The following SNTG1 variants were observed in gnomAD, a reference collection of about 807,000 sequenced individuals.
SNTG1 encodes gamma-1-syntrophin.
Under a neutral mutation model 74.7 loss-of-function variants are expected in SNTG1, and 39 were observed. The ratio of observed to expected loss-of-function variants is 0.52; its 90% CI spans 0.40 to 0.68. The LOEUF is 0.68. Among genes scored for constraint, SNTG1 ranks in the 30% least tolerant of loss-of-function variants. The pLI is 0.00. For missense variants in SNTG1, 685 were observed against 609.5 expected, an observed-to-expected ratio of 1.12 and a Z score of -1.30; for synonymous variants, 254 against 217.1, an observed-to-expected ratio of 1.17 and a Z score of -1.49.
intron 13 of SNTG1, among the ~76,000 whole-genome samples, chr8:50,606,782 T>A (rs1483638): frequency 0.05 from 7,669 of 152,042 alleles, 360 homozygotes; most frequent in African/African-American, 0.12. Flanking sequence ...TCAGAATAAA[T>A]GTTCAACTGT....
intron 12 of SNTG1, among the ~76,000 whole-genome samples, chr8:50,583,458 A>G (rs1196561552): frequency 6.6e-6 from 1 of 151,994 alleles, no homozygotes; most frequent in African/African-American, 2.4e-5. Context: ...TATGATAGAA[A>G]ATAACTAGCA....
intron 2 of SNTG1, among the ~76,000 whole-genome samples, chr8:50,383,105 C>T (rs1360508701): frequency 6.6e-6 from 1 of 152,162 alleles, no homozygotes; most frequent in African/African-American, 2.4e-5. Context: ...AATTGGGCAC[C>T]ATAACCTATT....
chr8:50,530,701 C>T (rs907106721), intron 10 of SNTG1, among the ~76,000 whole-genome samples: 14 of 152,022 alleles, frequency 9.2e-5, no homozygotes, highest in African/African-American at 3.4e-4. Context: ...TGAGAAAATC[C>T]AATTCACACA....
At chr8:50,752,643 A>G (rs2095570534) in intron 18 of SNTG1, among the ~76,000 whole-genome samples, 1 of 152,024 alleles carries the variant, frequency 6.6e-6, no homozygotes, top group African/African-American at 2.4e-5. Flanking sequence ...AATTGTATCT[A>G]TGGACATGAA....
intron 1 of SNTG1, among the ~76,000 whole-genome samples, chr8:50,099,027 T>G (rs936174906): frequency 6.6e-6 from 1 of 152,106 alleles, no homozygotes; most frequent in Non-Finnish European, 1.5e-5. Context: ...TTGAAATTTT[T>G]GAGGTTTTAT....
At position 50,000,417 on chromosome 8, in the gene SNTG1, C is replaced by A. The variant is rs578202257; in HGVS notation, c.-103+88186C>A. On this transcript the variant is annotated intron_variant, in intron 1 of 18. Coordinates refer to ENST00000642720, the MANE Select transcript of SNTG1 (RefSeq NM_018967.5). ...TGTATTTTGCAAACTGCTGCTCCTC[C>A]GAGTTGTTCTGGAATGGGTCTTATT... 2.6e-5 allele frequency among the ~76,000 whole-genome samples: 4 copies of A among 152,140 alleles called. No homozygotes were observed. The East Asian group carries it at 5.8e-4, about 22-fold the overall frequency.
intron 17 of SNTG1, among the ~76,000 whole-genome samples, chr8:50,727,017 G>C (rs1585649319): frequency 1.3e-5 from 2 of 152,118 alleles, no homozygotes; most frequent in Non-Finnish European, 2.9e-5. Flanking sequence ...AAAGGGAAGG[G>C]AGTGGGCTTA....
At chr8:50,628,060 G>A (rs772083693) in intron 13 of SNTG1, among the ~76,000 whole-genome samples, 4 of 152,034 alleles carry the variant, frequency 2.6e-5, no homozygotes, top group African/African-American at 4.8e-5. Flanking sequence ...AGCTGCCTAG[G>A]GGCTACCAGC....
intron 1 of SNTG1, among the ~76,000 whole-genome samples, chr8:50,018,316 T>C (rs1346129530): frequency 1.3e-5 from 2 of 152,016 alleles, no homozygotes; most frequent in African/African-American, 4.8e-5. Flanking sequence ...TGGATAGAAG[T>C]ATAGATCACT....
chr8:49,916,895 T>C (rs571121160), intron 1 of SNTG1, among the ~76,000 whole-genome samples: 5 of 151,826 alleles, frequency 3.3e-5, no homozygotes, highest in East Asian at 1.9e-4. Flanking sequence ...GTGTGGTGAA[T>C]GTGCCTGTAG....
At position 50,285,704 on chromosome 8, in the gene SNTG1, C is replaced by A. The variant is rs189474396; in HGVS notation, c.-27-108508C>A. The stretch of plus-strand genomic sequence containing the variant: ...ATCAATAAAAATGGCGACTTCTGGA[C>A]AGAAATAACAGGTAATTTAAAACTT... On this transcript the variant is annotated intron_variant, in intron 2 of 18. Coordinates refer to ENST00000642720, the MANE Select transcript of SNTG1 (RefSeq NM_018967.5). Among the ~76,000 whole-genome samples the A allele has an allele frequency of 2.0e-5, 3 of 150,630 alleles. No individual in the cohort carries two copies. In the East Asian group the frequency reaches 5.9e-4, roughly 29 times the overall value.
intron 17 of SNTG1, among the ~76,000 whole-genome samples, chr8:50,712,544 T>C (rs1235232369): frequency 6.6e-6 from 1 of 152,176 alleles, no homozygotes; most frequent in Admixed American, 6.5e-5. Context: ...ACATGCATGT[T>C]TGTTACATAG....
chr8:50,654,806 T>C (rs1489270273), intron 13 of SNTG1, among the ~76,000 whole-genome samples: 2 of 152,222 alleles, frequency 1.3e-5, no homozygotes, highest in Non-Finnish European at 2.9e-5. Context: ...GGCTTAAATC[T>C]GAGCTCCAGT....
rs2084911157 is a variant in SNTG1, at chr8:50,218,626, A to T, written c.-28+45991A>T. ...ATGTTTAAAGTAATACTTTCTCATG[A>T]TAATATGTTATGGTTATTGAAATTT... On this transcript the variant is annotated intron_variant, in intron 2 of 18. Transcript: ENST00000642720. Among the ~76,000 whole-genome samples the T allele has an allele frequency of 4.6e-5, 7 of 152,158 alleles. No homozygotes were observed. The East Asian group carries it at 1.4e-3, about 29-fold the overall frequency.
chr8:50,768,902 T>C (rs1480298825), intron 18 of SNTG1, among the ~76,000 whole-genome samples: 2 of 152,022 alleles, frequency 1.3e-5, no homozygotes, highest in Non-Finnish European at 2.9e-5. Context: ...TAATAGCTTA[T>C]TTTATGTGAA....
chr8:50,433,930 T>A (rs1346725906), intron 4 of SNTG1, among the ~76,000 whole-genome samples: 1 of 152,218 alleles, frequency 6.6e-6, no homozygotes, highest in Non-Finnish European at 1.5e-5. Context: ...AGGGTACATG[T>A]GCACAACGTG....
chr8:49,940,505 A>C (rs1322935351), intron 1 of SNTG1, among the ~76,000 whole-genome samples: 1 of 152,202 alleles, frequency 6.6e-6, no homozygotes, highest in South Asian at 2.1e-4. Flanking sequence ...ATGTAAAAAA[A>C]TCCTTTATTT....
intron 1 of SNTG1, among the ~76,000 whole-genome samples, chr8:50,020,520 A>C (rs962043834): frequency 2.6e-5 from 4 of 152,196 alleles, no homozygotes; most frequent in Non-Finnish European, 5.9e-5. Flanking sequence ...ATTCTCTTTG[A>C]AATATATTTT....
chr8:50,089,713 T>A (rs1328762165), intron 1 of SNTG1, among the ~76,000 whole-genome samples: 3 of 151,948 alleles, frequency 2.0e-5, no homozygotes, highest in Admixed American at 1.3e-4. Context: ...TGAGATACCA[T>A]CTCACACCAG....
Sources: allele counts gnomAD v4.1 joint callset (sites outside exome capture counted in the v4.1 genomes callset), GRCh38; gene constraint gnomAD v4.1.1; transcripts MANE v1.5; gene names NCBI Gene and HGNC (gene_info 2026-07-23, HGNC 2026-07-21).